Variants in NR1H2 observed in about 807,000 individuals in gnomAD.
NR1H2 encodes the protein nuclear receptor subfamily 1 group H member 2, also known as oxysterols receptor LXR-beta.
A neutral mutation model predicts 51.2 loss-of-function variants in NR1H2; 33 were observed. The observed-to-expected ratio is 0.64, with a 90% CI of 0.49 to 0.86. The LOEUF is 0.86. Among genes scored for constraint, NR1H2 ranks in the 40% least tolerant of loss-of-function variants. The pLI, the probability that NR1H2 is intolerant of heterozygous loss-of-function variation, is 0.00. For missense variants in NR1H2, 592 were observed against 639.9 expected, an observed-to-expected ratio of 0.93 and a Z score of 0.81; for synonymous variants, 310 against 264.3, an observed-to-expected ratio of 1.17 and a Z score of -1.68.
rs1416315697 is a variant in NR1H2 at position 50,382,496 on chromosome 19, G to A, written c.1277G>A (p.Ser426Asn). ...RFPRMLMKLV[S>N]LRTLSSVHSE... ...CCGCGCATGCTCATGAAGCTGGTGA[G>A]CCTGCGCACGCTGAGCTCTGTGCAC... Residue 426 changes from serine to asparagine, a missense_variant, in exon 10 of 10, where the codon AGC (serine) becomes AAC (asparagine). Ser to Asn is a conservative substitution (Grantham distance 46). This residue lies in a region of NR1H2 where 174 missense variants were observed against 174.0 expected (regional missense o/e 1.00). Transcript: ENST00000253727. 3 of 1,610,564 alleles carry A rather than the reference G, an allele frequency of 1.9e-6. No homozygotes were observed. In the South Asian group the frequency reaches 3.3e-5, roughly 18 times the overall value.
chr19:50,382,496 G>T lies in NR1H2; in HGVS notation c.1277G>T (p.Ser426Ile). 1 of 1,610,564 alleles carries T rather than the reference G, an allele frequency of 6.2e-7. No individual in the cohort carries two copies. The highest frequency in any genetic ancestry group is 1.1e-5 in the South Asian group (1 of 90,890). ...RFPRMLMKLV[S>I]LRTLSSVHSE... ...CCGCGCATGCTCATGAAGCTGGTGA[G>T]CCTGCGCACGCTGAGCTCTGTGCAC... The change falls in exon 10 of 10, where the codon AGC becomes ATC. Residue 426 changes from serine (S) to isoleucine (I), a missense_variant. Around this residue, in one of 3 missense-constraint regions of NR1H2, gnomAD observed 174 missense variants for 174.0 expected, o/e 1.00. Coordinates refer to ENST00000253727, the MANE Select transcript of NR1H2 (RefSeq NM_007121.7).
chr19:50,379,010 C>G lies in NR1H2; in HGVS notation c.756C>G (p.Pro252=), dbSNP rs77290536. ...FSDQPKVTPW[P]LGADPQSRDA... is the part of the protein sequence containing the mutation. ...GGTCTCCTGTGTCCCAGCCCTGGCCCCTGGGCGCAGACCCCCAGTCCCGAG... is the reference window on the plus strand; with the variant it reads ...GGTCTCCTGTGTCCCAGCCCTGGCCGCTGGGCGCAGACCCCCAGTCCCGAG... The change falls in exon 7 of 10, where the codon CCC becomes CCG. Residue 252 remains proline (P), a synonymous_variant. Transcript: ENST00000253727. The G allele has an allele frequency of 9.3e-6, 15 of 1,609,070 alleles. No individual in the cohort carries two copies. In the South Asian group the frequency reaches 1.5e-4, roughly 17 times the overall value.
chr19:50,381,631 G>C (rs760807485), intron 8 of NR1H2, among the ~76,000 whole-genome samples: 29 of 152,350 alleles, frequency 1.9e-4, no homozygotes, highest in Admixed American at 6.5e-4. Flanking sequence ...ATGTGACCTA[G>C]GTTTTAAAAG....
Position 50,378,683 on chromosome 19 carries a change from G to C in NR1H2, c.634G>C (p.Gly212Arg), listed in dbSNP as rs542914341. The part of the protein sequence containing the change: ...GGSEAGSQGS[G>R]EGEGVQLTAA... Reference sequence around the variant, plus strand: ...ATCTGAGGCAGGCAGCCAGGGCTCCGGGGAAGGCGAGGGTGTCCAGCTAAC... The same window carrying C: ...ATCTGAGGCAGGCAGCCAGGGCTCCCGGGAAGGCGAGGGTGTCCAGCTAAC... Residue 212 changes from glycine (G) to arginine (R), a missense_variant, in exon 6 of 10, where the codon GGG (glycine) becomes CGG (arginine). Physicochemically the swap from Gly to Arg is moderately radical, Grantham distance 125. Coordinates refer to ENST00000253727, the MANE Select transcript of NR1H2 (RefSeq NM_007121.7). 1.9e-6 allele frequency: 3 copies of C among 1,613,736 alleles called. No homozygotes were observed. Among genetic ancestry groups the C allele is most frequent in the Non-Finnish European group, 2.5e-6 (3 of 1,180,028 alleles).
At chr19:50,377,362 AG>A in intron 2 of NR1H2, 1 of 463,414 alleles carries the variant, frequency 2.2e-6, no homozygotes, top group Non-Finnish European at 3.8e-6. Context: ...GGCCTACAGC[AG>A]GGGCGGGGCT....
chr19:50,379,951 C>A lies in NR1H2; in HGVS notation c.1027+72C>A. On this transcript the variant is annotated intron_variant, in intron 8 of 9. Transcript: ENST00000253727. Reference sequence around the variant, plus strand: ...TGGAAGACCTGGGGCCAACTCATCCCTGTTGGAGTCTCTGTTTCTTTATCT... The same window carrying A: ...TGGAAGACCTGGGGCCAACTCATCCATGTTGGAGTCTCTGTTTCTTTATCT... 3.1e-6 allele frequency: 3 copies of A among 953,620 alleles called. No homozygotes were observed. The South Asian group carries it at 3.9e-5, about 12-fold the overall frequency. The allele number at this position is 953,620 out of a possible 1,614,324, so 59.1% of individuals were successfully genotyped here.
In NR1H2 at chr19:50,382,685, G is replaced by C; in HGVS notation, c.*83G>C. ...GGCACCCCTTCCTCTTCCTAGGGTG[G>C]AAGGGGCCCTGGGCCGAGCCTGTAG... On this transcript the variant is annotated 3_prime_UTR_variant, in exon 10 of 10. Transcript: ENST00000253727. 7.0e-7 allele frequency: 1 copy of C among 1,430,940 alleles called. No homozygotes were observed. The highest frequency in any genetic ancestry group is 9.3e-7 in the Non-Finnish European group (1 of 1,072,274). The allele number at this position is 1,430,940 out of a possible 1,614,324, so 88.6% of individuals were successfully genotyped here. A position where few individuals can be genotyped will look rare whatever the true frequency, so the allele number is the denominator to read the frequency against.
In NR1H2 at chr19:50,378,578, TCA is replaced by T. The variant is rs2037710955; in HGVS notation, c.532_533del (p.Gln178ValfsTer27). 6.5e-7 allele frequency: 1 copy of T among 1,549,840 alleles called. No individual in the cohort carries two copies. On this transcript the variant is annotated frameshift_variant, in exon 6 of 10. Coordinates refer to ENST00000253727, the MANE Select transcript of NR1H2 (RefSeq NM_007121.7). LOFTEE classifies it high-confidence loss of function. ...KKKIRKQQQE[S>X]QSQSQSPVGP... ...GAAGATTCGGAAACAGCAGCAGGAGTCACAGTCACAGTCGCAGTCACCTGTGG... is the reference window on the plus strand; with the variant it reads ...GAAGATTCGGAAACAGCAGCAGGAGTCAGTCACAGTCGCAGTCACCTGTGG...
In NR1H2 at chr19:50,378,359, G is replaced by A; in HGVS notation, c.392G>A (p.Cys131Tyr). 6.2e-7 allele frequency: 1 copy of A among 1,611,600 alleles called. No individual in the cohort carries two copies. Among genetic ancestry groups the A allele is most frequent in the Non-Finnish European group, 8.5e-7 (1 of 1,178,840 alleles). Residue 131 changes from cysteine to tyrosine, a missense_variant, in exon 5 of 10, where the codon TGC becomes TAC. Physicochemically the swap from Cys to Tyr is radical, Grantham distance 194 (BLOSUM62 -2). Around this residue, in one of 3 missense-constraint regions of NR1H2, gnomAD observed 316 missense variants for 313.4 expected, o/e 1.01. Coordinates refer to ENST00000253727, the MANE Select transcript of NR1H2 (RefSeq NM_007121.7). ...TATGCCTGCCGGGGTGGCGGAACCTGCCAGATGGACGCTTTCATGCGGCGC... is the reference window on the plus strand; with the variant it reads ...TATGCCTGCCGGGGTGGCGGAACCTACCAGATGGACGCTTTCATGCGGCGC... The part of the protein sequence containing the change: ...RRYACRGGGT[C>Y]QMDAFMRRKC...
At chr19:50,378,501 G>T in intron 5 of NR1H2, 21 bp from the exon 6 acceptor site, 1 of 1,592,868 alleles carries the variant, frequency 6.3e-7, no homozygotes, top group African/African-American at 1.3e-5. Context: ...GGGTTCTGCT[G>T]AGGCCTGCAT....
chr19:50,379,732 G>A (rs2037735025), intron 7 of NR1H2, 48 bp from the exon 8 acceptor site: 3 of 1,219,692 alleles, frequency 2.5e-6, no homozygotes, highest in Non-Finnish European at 3.7e-6. Context: ...GGGACTAGCA[G>A]CTGAAGGGTC....
rs754667519 is a variant in NR1H2 at position 50,382,514 on chromosome 19, C to G, written c.1295C>G (p.Ser432Cys). ...MKLVSLRTLS[S>C]VHSEQVFALR... ...CTGGTGAGCCTGCGCACGCTGAGCTCTGTGCACTCGGAGCAGGTCTTCGCC... is the reference window on the plus strand; with the variant it reads ...CTGGTGAGCCTGCGCACGCTGAGCTGTGTGCACTCGGAGCAGGTCTTCGCC... The change falls in exon 10 of 10, where the codon TCT (serine) becomes TGT (cysteine). Residue 432 changes from serine to cysteine, a missense_variant. Physicochemically the swap from Ser to Cys is moderately radical, Grantham distance 112. Coordinates refer to ENST00000253727, the MANE Select transcript of NR1H2 (RefSeq NM_007121.7). 57 of 1,611,058 alleles carry G rather than the reference C, an allele frequency of 3.5e-5. No homozygotes were observed. Among genetic ancestry groups the G allele is most frequent in the African/African-American group, 5.3e-5 (4 of 74,922 alleles).
At position 50,382,108 on chromosome 19, in the gene NR1H2, C is replaced by G. The variant is rs539342063; in HGVS notation, c.1170C>G (p.Arg390=). Residue 390 remains arginine, a synonymous_variant, in exon 9 of 10, where the codon CGC becomes CGG. Transcript: ENST00000253727. ...ADRPNVQEPG[R]VEALQQPYVE... ...GGCCCAACGTGCAGGAGCCGGGCCGCGTGGAGGCGTTGCAGCAGCCCTACG... is the reference window on the plus strand; with the variant it reads ...GGCCCAACGTGCAGGAGCCGGGCCGGGTGGAGGCGTTGCAGCAGCCCTACG... The G allele has an allele frequency of 9.7e-6, 15 of 1,546,332 alleles. No homozygotes were observed. The highest frequency in any genetic ancestry group is 1.4e-5 in the African/African-American group (1 of 73,082).
Position 50,382,048 on chromosome 19 carries a change from C to T in NR1H2, c.1110C>T (p.Ala370=), listed in dbSNP as rs1187341421. 1 of 1,561,178 alleles carries T rather than the reference C, an allele frequency of 6.4e-7. No individual in the cohort carries two copies. ...RRLGLDDAEY[A]LLIAINIFSA... ...TGGGCCTGGACGACGCTGAGTACGCCCTGCTCATCGCCATCAACATCTTCT... is the reference window on the plus strand; with the variant it reads ...TGGGCCTGGACGACGCTGAGTACGCTCTGCTCATCGCCATCAACATCTTCT... The change falls in exon 9 of 10, where the codon GCC becomes GCT. Residue 370 remains alanine (A), a synonymous_variant. Coordinates refer to ENST00000253727, the MANE Select transcript of NR1H2 (RefSeq NM_007121.7).
Position 50,382,037 on chromosome 19 carries a change from G to T in NR1H2, c.1099G>T (p.Ala367Ser). 1 of 1,563,630 alleles carries T rather than the reference G, an allele frequency of 6.4e-7. No homozygotes were observed. The change falls in exon 9 of 10, where the codon GCT becomes TCT. Residue 367 changes from alanine to serine, a missense_variant. Ala to Ser is a moderately conservative substitution (Grantham distance 99). Transcript: ENST00000253727. ...RAMRRLGLDDAEYALLIAINI... is the reference protein window; with the variant it reads ...RAMRRLGLDDSEYALLIAINI... Reference sequence around the variant, plus strand: ...CATGCGGCGGCTGGGCCTGGACGACGCTGAGTACGCCCTGCTCATCGCCAT... The same window carrying T: ...CATGCGGCGGCTGGGCCTGGACGACTCTGAGTACGCCCTGCTCATCGCCAT...
At position 50,378,509 on chromosome 19, in the gene NR1H2, C is replaced by T. The variant is rs774056859; in HGVS notation, c.473-13C>T. 5 of 1,596,418 alleles carry T rather than the reference C, an allele frequency of 3.1e-6. No individual in the cohort carries two copies. The highest frequency in any genetic ancestry group is 4.3e-6 in the Non-Finnish European group (5 of 1,169,148). On this transcript the variant is annotated splice_polypyrimidine_tract_variant and intron_variant, in intron 5 of 9. Transcript: ENST00000253727. ...AGCCCTGGGGTTCTGCTGAGGCCTG[C>T]ATCCCCCTACAGGCGTCCTTTCTGA...
intron 4 of NR1H2, 76 bp from the exon 5 acceptor site, chr19:50,378,073 G>T: frequency 6.7e-7 from 1 of 1,493,348 alleles, no homozygotes; most frequent in African/African-American, 1.4e-5. Context: ...TTTGCCTGGG[G>T]ATCTCCTGTG....
chr19:50,381,329 C>G (rs949090330), intron 8 of NR1H2, among the ~76,000 whole-genome samples: 4 of 152,230 alleles, frequency 2.6e-5, no homozygotes, highest in African/African-American at 4.8e-5. Context: ...CCAGCGTCAC[C>G]CAGAGCGCAG....
At chr19:50,381,920 C>T (rs1342263353) in intron 8 of NR1H2, 46 bp from the exon 9 acceptor site, 2 of 1,483,998 alleles carry the variant, frequency 1.3e-6, no homozygotes, top group Non-Finnish European at 1.8e-6. Context: ...GGATGTGGGG[C>T]ACGGTTTCGG....
Sources: allele counts gnomAD v4.1 joint callset (sites outside exome capture counted in the v4.1 genomes callset), GRCh38; gene constraint gnomAD v4.1.1; regional missense constraint gnomAD v4.1.1; transcripts MANE v1.5; gene names NCBI Gene and HGNC (gene_info 2026-07-23, HGNC 2026-07-21).